The following SHROOM3 variants were observed in gnomAD, a reference collection of about 807,000 sequenced individuals.
SHROOM3 encodes protein Shroom3.
In SHROOM3, 47 loss-of-function variants were observed where a neutral mutation model predicts 138.6. The ratio of observed to expected loss-of-function variants is 0.34; its 90% CI spans 0.27 to 0.43. The LOEUF (loss-of-function observed/expected upper bound fraction) is 0.43. Ranked by LOEUF, SHROOM3 falls within the 20% of genes least tolerant of loss-of-function variation. The pLI, the probability that SHROOM3 is intolerant of heterozygous loss-of-function variation, is 1.00. For missense variants in SHROOM3, 2,491 were observed against 2,596.5 expected, an observed-to-expected ratio of 0.96 and a Z score of 0.88; for synonymous variants, 1,062 against 1,063.3, an observed-to-expected ratio of 1.00 and a Z score of 0.02.
intron 2 of SHROOM3, among the ~76,000 whole-genome samples, chr4:76,656,103 G>C (rs1243179515): frequency 6.6e-6 from 1 of 152,184 alleles, no homozygotes; most frequent in African/African-American, 2.4e-5. Flanking sequence ...GGCGCCAGGA[G>C]AGCTGGCAGG....
intron 1 of SHROOM3, among the ~76,000 whole-genome samples, chr4:76,493,506 T>C (rs934073784): frequency 6.6e-6 from 1 of 152,062 alleles, no homozygotes; most frequent in Non-Finnish European, 1.5e-5. Flanking sequence ...TAGGTCTTGA[T>C]AGATATGGTG....
At chr4:76,611,264 C>T (rs1289590552) in intron 2 of SHROOM3, among the ~76,000 whole-genome samples, 1 of 152,012 alleles carries the variant, frequency 6.6e-6, no homozygotes, top group African/African-American at 2.4e-5. Flanking sequence ...CTCTCTCTCT[C>T]TCTCTCTTAA....
At chr4:76,732,435 T>C (rs1720916759) in intron 4 of SHROOM3, among the ~76,000 whole-genome samples, 1 of 152,202 alleles carries the variant, frequency 6.6e-6, no homozygotes, top group African/African-American at 2.4e-5. Flanking sequence ...GCTCATGGAA[T>C]TGAACAGGAC....
intron 2 of SHROOM3, among the ~76,000 whole-genome samples, chr4:76,608,251 C>T (rs995420568): frequency 1.3e-5 from 2 of 152,212 alleles, no homozygotes; most frequent in African/African-American, 4.8e-5. Context: ...CGAGGGAGCG[C>T]ATTCGTTCAT....
chr4:76,710,735 G>A (rs1720205941), intron 3 of SHROOM3, among the ~76,000 whole-genome samples: 1 of 152,094 alleles, frequency 6.6e-6, no homozygotes, highest in South Asian at 2.1e-4. Flanking sequence ...AGATTCCAAC[G>A]TAAGCCTAAC....
At chr4:76,629,736 T>A (rs13150490) in intron 2 of SHROOM3, among the ~76,000 whole-genome samples, 55,130 of 151,724 alleles carry the variant, frequency 0.36, 10,530 homozygotes, top group East Asian at 0.51. Flanking sequence ...AAGCTTTTAG[T>A]GTTGAGTACC....
rs1166662946 is a variant in SHROOM3 at position 76,782,569 on chromosome 4, A to C, written c.*3392A>C. 6.6e-6 allele frequency: 1 copy of C among 152,200 alleles called. No individual in the cohort carries two copies. Among genetic ancestry groups the C allele is most frequent in the Non-Finnish European group, 1.5e-5 (1 of 68,026 alleles). The allele number at this position is 152,200 out of a possible 1,614,324, so 9.4% of individuals were successfully genotyped here. ...ACTGGGTCTCTGGATACCCAAGGAAATGTTGGCTTTTTATTCTTATGTGGT... is the reference window on the plus strand; with the variant it reads ...ACTGGGTCTCTGGATACCCAAGGAACTGTTGGCTTTTTATTCTTATGTGGT... On this transcript the variant is annotated 3_prime_UTR_variant, in exon 11 of 11. Coordinates refer to ENST00000296043, the MANE Select transcript of SHROOM3 (RefSeq NM_020859.4).
At chr4:76,660,855 T>C (rs1736169116) in intron 2 of SHROOM3, among the ~76,000 whole-genome samples, 1 of 152,168 alleles carries the variant, frequency 6.6e-6, no homozygotes, top group Non-Finnish European at 1.5e-5. Context: ...CAGGCTGAAG[T>C]GCAGGAGCAC....
intron 1 of SHROOM3, among the ~76,000 whole-genome samples, chr4:76,527,512 G>A (rs1237395904): frequency 1.3e-5 from 2 of 152,194 alleles, no homozygotes; most frequent in African/African-American, 4.8e-5. Context: ...GAACCCGGGA[G>A]GTAGAGGTTG....
intron 1 of SHROOM3, among the ~76,000 whole-genome samples, chr4:76,453,315 A>T (rs1382786450): frequency 6.6e-6 from 1 of 150,826 alleles, no homozygotes; most frequent in Non-Finnish European, 1.5e-5. Flanking sequence ...GTCTTGCTCC[A>T]TTGTCCAGGC....
chr4:76,728,771 C>T (rs1031617399), intron 3 of SHROOM3, among the ~76,000 whole-genome samples: 3 of 152,182 alleles, frequency 2.0e-5, no homozygotes, highest in African/African-American at 7.2e-5. Flanking sequence ...ACAGCCACTG[C>T]TCTGATGGCT....
Position 76,555,591 on chromosome 4 carries a change from A to C in SHROOM3, c.169-18A>C. 2 of 1,612,700 alleles carry C rather than the reference A, an allele frequency of 1.2e-6. No individual in the cohort carries two copies. The highest frequency in any genetic ancestry group is 1.7e-6 in the Non-Finnish European group (2 of 1,179,926). On this transcript the variant is annotated intron_variant, in intron 1 of 10. Transcript: ENST00000296043. ...GGGAAAGCTCACTCGTGGCTGTCGC[A>C]TCTCTCCCTCCAAGCAGGTCGAAGA...
At chr4:76,492,997 A>G (rs942690547) in intron 1 of SHROOM3, among the ~76,000 whole-genome samples, 3 of 151,962 alleles carry the variant, frequency 2.0e-5, no homozygotes, top group African/African-American at 7.2e-5. Flanking sequence ...AAGGTGGGTG[A>G]ATCACCTGAG....
intron 2 of SHROOM3, among the ~76,000 whole-genome samples, chr4:76,601,565 C>T (rs1424479506): frequency 1.3e-5 from 2 of 152,140 alleles, no homozygotes; most frequent in African/African-American, 2.4e-5. Context: ...AGTGCAGTGG[C>T]GTGATCTCAG....
chr4:76,768,454 T>A (rs1342817782), intron 9 of SHROOM3, among the ~76,000 whole-genome samples: 1 of 152,164 alleles, frequency 6.6e-6, no homozygotes, highest in African/African-American at 2.4e-5. Flanking sequence ...ATAATTAATA[T>A]TAAGCAATTT....
chr4:76,482,485 A>G (rs1365506194), intron 1 of SHROOM3, among the ~76,000 whole-genome samples: 1 of 152,198 alleles, frequency 6.6e-6, no homozygotes, highest in African/African-American at 2.4e-5. Flanking sequence ...ACTACAAACC[A>G]CTGCTCAAGG....
chr4:76,602,860 C>A (rs1330541795), intron 2 of SHROOM3, among the ~76,000 whole-genome samples: 2 of 152,088 alleles, frequency 1.3e-5, no homozygotes, highest in South Asian at 4.2e-4. Flanking sequence ...GTTTCCTTAT[C>A]TTCAAAATGA....
chr4:76,580,446 CTTTTTTT>C (rs869200924), intron 2 of SHROOM3, among the ~76,000 whole-genome samples: 2 of 88,088 alleles, frequency 2.3e-5, no homozygotes, highest in African/African-American at 3.9e-5. Flanking sequence ...TGGGCAAGTT[CTTTTTTT>C]TTTTTTTTTT....
chr4:76,625,428 C>T (rs572039560), intron 2 of SHROOM3, among the ~76,000 whole-genome samples: 4 of 151,806 alleles, frequency 2.6e-5, no homozygotes, highest in Non-Finnish European at 5.9e-5. Context: ...AATCTTCTGT[C>T]TCCCTCCCTC....
Sources: allele counts gnomAD v4.1 joint callset (sites outside exome capture counted in the v4.1 genomes callset), GRCh38; gene constraint gnomAD v4.1.1; transcripts MANE v1.5; gene names NCBI Gene and HGNC (gene_info 2026-07-23, HGNC 2026-07-21).